The following OPCML variants were observed in gnomAD, a reference collection of about 807,000 sequenced individuals.
The protein encoded by OPCML is opioid-binding protein/cell adhesion molecule.
A neutral mutation model predicts 37.8 loss-of-function variants in OPCML; 13 were observed. The ratio of observed to expected loss-of-function variants is 0.34; its 90% CI spans 0.22 to 0.55. The LOEUF is 0.55. Ranked by LOEUF, OPCML falls within the 20% of genes least tolerant of loss-of-function variation. The pLI is 0.91. For missense variants in OPCML, 341 were observed against 435.6 expected (o/e 0.78, Z 1.93); for synonymous variants, 176 against 168.8 (o/e 1.04, Z -0.33).
intron 4 of OPCML, among the ~76,000 whole-genome samples, chr11:132,520,004 C>T (rs1410533529): frequency 6.6e-6 from 1 of 152,152 alleles, no homozygotes; most frequent in Non-Finnish European, 1.5e-5. Flanking sequence ...AGAGGAACAA[C>T]AGGGACCTAC....
chr11:132,907,263 C>G (rs752321942), intron 2 of OPCML, among the ~76,000 whole-genome samples: 1 of 152,184 alleles, frequency 6.6e-6, no homozygotes, highest in Non-Finnish European at 1.5e-5. Flanking sequence ...GTTCCCTGGT[C>G]TTTCCATGGG....
chr11:132,722,246 C>A (rs971512698), intron 2 of OPCML, among the ~76,000 whole-genome samples: 1 of 139,166 alleles, frequency 7.2e-6, no homozygotes, highest in Non-Finnish European at 1.6e-5. Flanking sequence ...TGAACCACCA[C>A]GTCCGGCCTA....
At chr11:132,685,846 C>A (rs563348236) in intron 2 of OPCML, among the ~76,000 whole-genome samples, 9 of 152,292 alleles carry the variant, frequency 5.9e-5, no homozygotes, top group African/African-American at 1.9e-4. Flanking sequence ...TTTCACTAAT[C>A]CTTTCTCAAC....
At chr11:133,290,010 C>A (rs1319764354) in intron 1 of OPCML, among the ~76,000 whole-genome samples, 1 of 152,310 alleles carries the variant, frequency 6.6e-6, no homozygotes, top group Non-Finnish European at 1.5e-5. Context: ...ACAGAGAACC[C>A]TTTTCCCAGT....
intron 1 of OPCML, among the ~76,000 whole-genome samples, chr11:133,012,442 T>A (rs564237690): frequency 6.6e-6 from 1 of 152,200 alleles, no homozygotes; most frequent in Non-Finnish European, 1.5e-5. Flanking sequence ...TTAATTCGAA[T>A]CAACTGTAAA....
intron 1 of OPCML, among the ~76,000 whole-genome samples, chr11:133,091,561 G>A (rs1948906809): frequency 6.6e-6 from 1 of 152,200 alleles, no homozygotes; most frequent in Admixed American, 6.5e-5. Context: ...GAGACATAGG[G>A]TCAAAGAAGA....
chr11:132,742,407 C>T (rs1470719618), intron 2 of OPCML, among the ~76,000 whole-genome samples: 3 of 152,090 alleles, frequency 2.0e-5, no homozygotes, highest in Admixed American at 1.3e-4. Context: ...AGAGGTCCCA[C>T]CCTCAATCAT....
intron 2 of OPCML, among the ~76,000 whole-genome samples, chr11:132,815,813 T>C (rs905895261): frequency 4.6e-5 from 7 of 152,224 alleles, no homozygotes; most frequent in African/African-American, 1.7e-4. Context: ...GTTGAAGATC[T>C]AGAAGAAGAA....
intron 1 of OPCML, among the ~76,000 whole-genome samples, chr11:133,024,034 T>C (rs192803572): frequency 3.4e-3 from 511 of 152,158 alleles, no homozygotes; most frequent in Non-Finnish European, 4.9e-3. Flanking sequence ...GAAAGTGGAG[T>C]TGGGTTTTAT....
chr11:132,593,020 A>G (rs1249064974), intron 3 of OPCML, among the ~76,000 whole-genome samples: 3 of 152,248 alleles, frequency 2.0e-5, no homozygotes, highest in Non-Finnish European at 4.4e-5. Context: ...ACTGGAAGAC[A>G]TAAATAGAAA....
intron 1 of OPCML, among the ~76,000 whole-genome samples, chr11:133,344,632 C>T (rs1397489567): frequency 6.6e-6 from 1 of 152,202 alleles, no homozygotes; most frequent in Non-Finnish European, 1.5e-5. Flanking sequence ...CCACCTCCTA[C>T]TTCTCTCTTT....
chr11:132,769,834 T>G (rs1262949194), intron 2 of OPCML, among the ~76,000 whole-genome samples: 2 of 152,092 alleles, frequency 1.3e-5, no homozygotes, highest in East Asian at 1.9e-4. Flanking sequence ...TGAAAGAAAG[T>G]GAGTGGAATA....
intron 1 of OPCML, among the ~76,000 whole-genome samples, chr11:133,322,603 A>G (rs11820384): frequency 2.6e-5 from 4 of 152,198 alleles, no homozygotes; most frequent in African/African-American, 9.7e-5. Flanking sequence ...CCACAAAAAA[A>G]AAGACTGGGT....
rs562317624 is a variant in OPCML at position 133,020,612 on chromosome 11, G to A, written c.62-77602C>T. Among the ~76,000 whole-genome samples the A allele has an allele frequency of 1.6e-3, 244 of 152,220 alleles. 1 individual carries two copies. The highest frequency in any genetic ancestry group is 2.8e-3 in the Non-Finnish European group (191 of 68,020). On this transcript the variant is annotated intron_variant, in intron 1 of 7. Transcript: ENST00000524381. ...CCTGTCTCTTCCTTTCCTTTTCTGG[G>A]AACTCAGGATTAGAGAAAAAGTGAG...
chr11:132,438,901 C>G (rs2136757524), intron 4 of OPCML, among the ~76,000 whole-genome samples: 1 of 152,228 alleles, frequency 6.6e-6, no homozygotes, highest in South Asian at 2.1e-4. Flanking sequence ...CATGTGCTTT[C>G]TGGCTCTTGT....
At chr11:132,450,500 C>T (rs2226633) in intron 4 of OPCML, among the ~76,000 whole-genome samples, 34,755 of 151,890 alleles carry the variant, frequency 0.23, 8,310 homozygotes, top group African/African-American at 0.6. Flanking sequence ...AGAGGGGCCT[C>T]CTGCAGAAAA....
In OPCML at chr11:132,914,103, C is replaced by T. The variant is rs552921104; in HGVS notation, c.146+28823G>A. Among the ~76,000 whole-genome samples, 38 of 152,304 alleles carry T rather than the reference C, an allele frequency of 2.5e-4. No homozygotes were observed. The South Asian group carries it at 5.2e-3, about 21-fold the overall frequency. On this transcript the variant is annotated intron_variant, in intron 2 of 7. Transcript: ENST00000524381. The stretch of plus-strand genomic sequence containing the variant: ...AACAAGTTCCCAATTGTCTCTGCTG[C>T]GAGGAGGTAAGAGGGACACCCCTGG...
chr11:133,504,979 C>A (rs186981379), intron 1 of OPCML, among the ~76,000 whole-genome samples: 1 of 152,298 alleles, frequency 6.6e-6, no homozygotes, highest in Non-Finnish European at 1.5e-5. Context: ...GGTTGAGACA[C>A]CCCCTAAGGG....
At chr11:132,614,444 G>A (rs574909570) in intron 3 of OPCML, among the ~76,000 whole-genome samples, 3 of 152,184 alleles carry the variant, frequency 2.0e-5, no homozygotes, top group Admixed American at 6.5e-5. Context: ...CCATAGCAGT[G>A]AGTGGCAGTG....
Sources: gnomAD v4.1 joint callset for allele counts (sites outside exome capture counted in the v4.1 genomes callset) on GRCh38, gnomAD v4.1.1 for gene constraint, MANE v1.5 for transcripts, NCBI Gene and HGNC (gene_info 2026-07-23, HGNC 2026-07-21) for gene names.